Variants in MYH15 observed in about 807,000 individuals in gnomAD.
MYH15 encodes the protein myosin-15.
A neutral mutation model predicts 240.5 loss-of-function variants in MYH15; 227 were observed. The ratio of observed to expected loss-of-function variants is 0.94; its 90% CI spans 0.85 to 1.05. The LOEUF is 1.05. MYH15 is among the 50% of genes least tolerant of loss of function. MYH15 has a pLI of 0.00. For synonymous variants in MYH15, 785 were observed against 796.7 expected (o/e 0.99, Z 0.25); for missense variants, 2,217 against 2,247.5 (o/e 0.99, Z 0.27).
intron 1 of MYH15, among the ~76,000 whole-genome samples, chr3:108,516,269 A>T (rs1326921578): frequency 6.6e-6 from 1 of 152,186 alleles, no homozygotes; most frequent in Non-Finnish European, 1.5e-5. Context: ...CTGGGAAGCC[A>T]TGATGCAAGT....
intron 36 of MYH15, among the ~76,000 whole-genome samples, chr3:108,392,288 G>A (rs1389330182): frequency 2.0e-5 from 3 of 152,144 alleles, no homozygotes; most frequent in African/African-American, 7.2e-5. Flanking sequence ...TAAAGTAACC[G>A]GTGTCACATT....
intron 30 of MYH15, among the ~76,000 whole-genome samples, chr3:108,411,382 T>C (rs927292834): frequency 5.9e-5 from 9 of 152,178 alleles, no homozygotes; most frequent in African/African-American, 2.2e-4. Context: ...TCTCTTGCTT[T>C]TTCCTGCTTA....
rs1331411734 is a variant in MYH15, at chr3:108,381,570, G to T, written c.5767-11C>A. The T allele has an allele frequency of 6.2e-7, 1 of 1,613,414 alleles. No individual in the cohort carries two copies. The highest frequency in any genetic ancestry group is 1.3e-5 in the African/African-American group (1 of 74,892). On this transcript the variant is annotated splice_polypyrimidine_tract_variant and intron_variant, in intron 40 of 40. Transcript: ENST00000693548. ...CTATTCTTCTTGAACCTGAAAAACA[G>T]AATGTCAGTGTGTTCTGTGAATTTC...
intron 9 of MYH15, among the ~76,000 whole-genome samples, chr3:108,490,639 C>T (rs78866145): frequency 0.013 from 1,972 of 152,310 alleles, 39 homozygotes; most frequent in African/African-American, 0.041. Context: ...TGCATTATTG[C>T]CTCAGGACCT....
intron 21 of MYH15, among the ~76,000 whole-genome samples, chr3:108,448,878 CA>C (rs142294441): frequency 1.3e-5 from 2 of 150,678 alleles, no homozygotes; most frequent in African/African-American, 2.4e-5. Context: ...TAAAAACCAC[CA>C]AAAAAACAGA....
intron 30 of MYH15, among the ~76,000 whole-genome samples, chr3:108,412,409 G>T (rs982446267): frequency 1.3e-5 from 2 of 152,080 alleles, no homozygotes; most frequent in African/African-American, 4.8e-5. Flanking sequence ...TCCTGAGGTC[G>T]CCCCAGCCAT....
At chr3:108,482,585 G>C (rs1406426319) in intron 11 of MYH15, among the ~76,000 whole-genome samples, 1 of 152,096 alleles carries the variant, frequency 6.6e-6, no homozygotes, top group Admixed American at 6.6e-5. Context: ...TGCCATAAAA[G>C]CATATGTGAA....
chr3:108,494,366 GA>G (rs2083376253), intron 7 of MYH15, among the ~76,000 whole-genome samples: 1 of 151,944 alleles, frequency 6.6e-6, no homozygotes, highest in Non-Finnish European at 1.5e-5. Flanking sequence ...CAGATTTCTT[GA>G]TTTTTTTGAA....
At chr3:108,426,721 C>T (rs2082727506) in intron 27 of MYH15, among the ~76,000 whole-genome samples, 1 of 152,086 alleles carries the variant, frequency 6.6e-6, no homozygotes, top group South Asian at 2.1e-4. Flanking sequence ...GCAGAGCTGC[C>T]CCCAACACCC....
intron 28 of MYH15, 43 bp from the exon 29 acceptor site, chr3:108,416,973 A>C: frequency 7.0e-7 from 1 of 1,433,850 alleles, no homozygotes; most frequent in Non-Finnish European, 9.8e-7. Flanking sequence ...CAGTCTTCCT[A>C]TCTATTGCCT....
chr3:108,472,178 AC>A (rs1308786170), intron 12 of MYH15, among the ~76,000 whole-genome samples: 5 of 152,158 alleles, frequency 3.3e-5, no homozygotes, highest in Non-Finnish European at 7.3e-5. Context: ...GAGAGCGCCA[AC>A]CTTTGTGCCT....
chr3:108,428,797 G>A lies in MYH15; in HGVS notation c.3397C>T (p.Gln1133Ter), dbSNP rs755610397. The A allele has an allele frequency of 1.9e-6, 3 of 1,613,972 alleles. No individual in the cohort carries two copies. Among genetic ancestry groups the A allele is most frequent in the Non-Finnish European group, 1.7e-6 (2 of 1,180,006 alleles). Residue 1133 changes from glutamine to a stop codon, truncating the protein, a stop_gained, in exon 27 of 41, where the codon CAA becomes TAA. Transcript: ENST00000693548. LOFTEE classifies it high-confidence loss of function. ...KMERERADLT[Q>*]DLADLNERLE... Reference sequence around the variant, plus strand: ...CTCTCATTCAAGTCAGCCAGGTCTTGGGTGAGGTCAGCTCTCTCCCTTTCC... The same window carrying A: ...CTCTCATTCAAGTCAGCCAGGTCTTAGGTGAGGTCAGCTCTCTCCCTTTCC...
At chr3:108,391,503 C>A (rs531942813) in intron 37 of MYH15, among the ~76,000 whole-genome samples, 2 of 152,206 alleles carry the variant, frequency 1.3e-5, no homozygotes, top group East Asian at 3.9e-4. Context: ...GTGAGGTGAG[C>A]AAGAAGGGCT....
At chr3:108,533,550 A>C (rs1366155834), upstream of MYH15, among the ~76,000 whole-genome samples, 1 of 152,174 alleles carries the variant, frequency 6.6e-6, no homozygotes, top group Non-Finnish European at 1.5e-5. Flanking sequence ...ATGATGATCA[A>C]CCAGGGAGAG....
At chr3:108,404,045 T>C (rs554651141) in intron 33 of MYH15, among the ~76,000 whole-genome samples, 34 of 152,158 alleles carry the variant, frequency 2.2e-4, no homozygotes, top group African/African-American at 7.0e-4. Context: ...TGGAAAGAAG[T>C]AGGGCAAATA....
At chr3:108,413,449 T>G (rs1361686837) in intron 30 of MYH15, among the ~76,000 whole-genome samples, 1 of 152,212 alleles carries the variant, frequency 6.6e-6, no homozygotes, top group Admixed American at 6.5e-5. Context: ...AGAAATGTAT[T>G]GATCTTCCCT....
At chr3:108,428,357 C>A in intron 27 of MYH15, 135 bp downstream of exon 27, 1 of 1,111,948 alleles carries the variant, frequency 9.0e-7, no homozygotes, top group Non-Finnish European at 1.3e-6. Flanking sequence ...CTATTCCGTC[C>A]AAAGGACTAT....
intron 11 of MYH15, among the ~76,000 whole-genome samples, chr3:108,482,769 T>G (rs1013585738): frequency 1.3e-5 from 2 of 152,182 alleles, no homozygotes; most frequent in African/African-American, 4.8e-5. Context: ...CCTTTTTGTA[T>G]GGAACTTGTT....
At chr3:108,536,017 C>A in the MYH15 span, among the ~76,000 whole-genome samples, 2 of 152,168 alleles carry the variant, frequency 1.3e-5, no homozygotes, top group African/African-American at 4.8e-5. Flanking sequence ...TCTGTAATCC[C>A]AGCACTTTGG....
Sources: allele counts gnomAD v4.1 joint callset (sites outside exome capture counted in the v4.1 genomes callset), GRCh38; gene constraint gnomAD v4.1.1; transcripts MANE v1.5; gene names NCBI Gene and HGNC (gene_info 2026-07-23, HGNC 2026-07-21).